The following KCNH8 variants were observed in gnomAD, a reference collection of about 807,000 sequenced individuals.
The protein encoded by KCNH8 is potassium voltage-gated channel subfamily H member 8.
KCNH8 carries 70 observed loss-of-function variants against 103.6 expected under a neutral mutation model. The ratio of observed to expected loss-of-function variants is 0.68; its 90% CI spans 0.56 to 0.82. KCNH8 has a LOEUF of 0.82. Ranked by LOEUF, KCNH8 falls within the 40% of genes least tolerant of loss-of-function variation. The pLI, the probability that KCNH8 is intolerant of heterozygous loss-of-function variation, is 0.00. For synonymous variants in KCNH8, 498 were observed against 489.4 expected (o/e 1.02, Z -0.23); for missense variants, 1,217 against 1,329.9 (o/e 0.92, Z 1.32).
chr3:19,530,088 T>C lies in KCNH8; in HGVS notation c.2620-3307T>C, dbSNP rs368842601. Among the ~76,000 whole-genome samples the C allele has an allele frequency of 7.2e-5, 11 of 152,048 alleles. No individual in the cohort carries two copies. The East Asian group carries it at 1.9e-3, about 27-fold the overall frequency. On this transcript the variant is annotated intron_variant, in intron 15 of 15. Coordinates refer to ENST00000328405, the MANE Select transcript of KCNH8 (RefSeq NM_144633.3). ...GACAAATATTCCACGTCCTCACTCA[T>C]ATGTGGGAGCTAGAAAAATGTATCT... is the stretch of plus-strand genomic sequence containing the variant.
chr3:19,235,538 T>C (rs1234994006), intron 1 of KCNH8, among the ~76,000 whole-genome samples: 1 of 152,208 alleles, frequency 6.6e-6, no homozygotes, highest in East Asian at 1.9e-4. Context: ...GAAATATGGT[T>C]AATATTTTTT....
intron 5 of KCNH8, among the ~76,000 whole-genome samples, chr3:19,355,790 A>T (rs1194609345): frequency 1.3e-5 from 2 of 152,018 alleles, no homozygotes; most frequent in African/African-American, 4.8e-5. Flanking sequence ...GTAAATGATG[A>T]GTTAATGGGT....
Position 19,534,275 on chromosome 3 carries a change from A to G in KCNH8, c.*176A>G, listed in dbSNP as rs778546372. On this transcript the variant is annotated 3_prime_UTR_variant, in exon 16 of 16. Transcript: ENST00000328405. ...CTCCATGCTGTAGCAAACAATTTCT[A>G]GATACTAGAAGCATAATAGAAACAT... 5.2e-5 allele frequency: 31 copies of G among 598,692 alleles called. No homozygotes were observed. The highest frequency in any genetic ancestry group is 8.3e-5 in the Non-Finnish European group (28 of 338,252). The allele number at this position is 598,692 out of a possible 1,614,324, so 37.1% of individuals were successfully genotyped here.
intron 15 of KCNH8, among the ~76,000 whole-genome samples, chr3:19,532,858 C>T (rs1167122143): frequency 1.3e-5 from 2 of 152,188 alleles, no homozygotes; most frequent in African/African-American, 2.4e-5. Flanking sequence ...AAATGCTTAA[C>T]CTACCCATTC....
chr3:19,396,065 T>G (rs1407823783), intron 7 of KCNH8, among the ~76,000 whole-genome samples: 2 of 152,044 alleles, frequency 1.3e-5, no homozygotes, highest in East Asian at 1.9e-4. Context: ...TTTCTCACAG[T>G]CATACCCTTT....
At position 19,285,503 on chromosome 3, in the gene KCNH8, T is replaced by C. The variant is rs542213520; in HGVS notation, c.442+4174T>C. On this transcript the variant is annotated intron_variant, in intron 3 of 15. Transcript: ENST00000328405. Reference sequence around the variant, plus strand: ...TTCACGTAGCACAGGGCATATAGAATATGCTCAATAAAAGATGTGGTCATG... The same window carrying C: ...TTCACGTAGCACAGGGCATATAGAACATGCTCAATAAAAGATGTGGTCATG... Among the ~76,000 whole-genome samples, 105 of 152,304 alleles carry C rather than the reference T, an allele frequency of 6.9e-4. 1 individual carries two copies. In the South Asian group the frequency reaches 0.021, roughly 31 times the overall value.
At chr3:19,213,453 C>CG (rs1354670000) in intron 1 of KCNH8, among the ~76,000 whole-genome samples, 9 of 152,084 alleles carry the variant, frequency 5.9e-5, no homozygotes, top group African/African-American at 2.2e-4. Context: ...TGGGTATTTC[C>CG]CCCCTAGGAT....
chr3:19,240,611 TAA>T (rs1158986432), intron 1 of KCNH8, among the ~76,000 whole-genome samples: 7 of 114,508 alleles, frequency 6.1e-5, no homozygotes, highest in Admixed American at 9.1e-5. Context: ...AAACTCTGTC[TAA>T]AAAAAAAAAA....
chr3:19,254,857 A>G (rs533875766), intron 2 of KCNH8, among the ~76,000 whole-genome samples: 25 of 152,270 alleles, frequency 1.6e-4, no homozygotes, highest in Admixed American at 1.3e-3. Context: ...GCCAAGATAT[A>G]TGAGAAGGAG....
intron 2 of KCNH8, among the ~76,000 whole-genome samples, chr3:19,278,847 T>G (rs2064715325): frequency 6.6e-6 from 1 of 152,160 alleles, no homozygotes; most frequent in African/African-American, 2.4e-5. Context: ...CAAGGGCTGA[T>G]CAGTGAATAT....
chr3:19,272,663 A>G (rs1437214489), intron 2 of KCNH8, among the ~76,000 whole-genome samples: 2 of 152,238 alleles, frequency 1.3e-5, no homozygotes, highest in East Asian at 1.9e-4. Context: ...GGAATAACAC[A>G]CAAATAGTTC....
At chr3:19,251,186 G>A (rs765080889) in intron 1 of KCNH8, among the ~76,000 whole-genome samples, 4 of 152,076 alleles carry the variant, frequency 2.6e-5, no homozygotes, top group Non-Finnish European at 5.9e-5. Flanking sequence ...TTATGACTAT[G>A]CGATCGTTAA....
chr3:19,424,499 A>G (rs1199293408), intron 7 of KCNH8, among the ~76,000 whole-genome samples: 4 of 152,220 alleles, frequency 2.6e-5, no homozygotes, highest in African/African-American at 9.6e-5. Context: ...ACCTGAAACC[A>G]TAAAAATTCT....
At chr3:19,327,869 GTCTTC>G (rs888446755) in intron 3 of KCNH8, among the ~76,000 whole-genome samples, 17 of 152,216 alleles carry the variant, frequency 1.1e-4, no homozygotes, top group Admixed American at 8.5e-4. Flanking sequence ...TTTACCTCAA[GTCTTC>G]TCTTCTACTA....
chr3:19,188,698 T>G (rs2063524875), intron 1 of KCNH8, among the ~76,000 whole-genome samples: 1 of 152,146 alleles, frequency 6.6e-6, no homozygotes. Flanking sequence ...TACATTATTA[T>G]GAATGTTTTA....
At chr3:19,421,261 T>G (rs1472357594) in intron 7 of KCNH8, among the ~76,000 whole-genome samples, 1 of 152,152 alleles carries the variant, frequency 6.6e-6, no homozygotes, top group Non-Finnish European at 1.5e-5. Context: ...AAAAAAATCT[T>G]TGTTTGACCA....
Position 19,533,788 on chromosome 3 carries a change from C to A in KCNH8, c.3013C>A (p.His1005Asn). Reference protein sequence around the residue: ...PSHYQVVQEGHLQFLRCISPH... With the variant: ...PSHYQVVQEGNLQFLRCISPH... ...CCACTACCAGGTTGTCCAAGAAGGT[C>A]ATTTGCAATTTTTAAGGTGCATCTC... Residue 1005 changes from histidine (H) to asparagine (N), a missense_variant, in exon 16 of 16, where the codon CAT (histidine) becomes AAT (asparagine). Physicochemically the swap from His to Asn is moderately conservative, Grantham distance 68 (BLOSUM62 1). This residue lies in a region of KCNH8 where 558 missense variants were observed against 495.8 expected (regional missense o/e 1.13). Transcript: ENST00000328405. 1 of 1,614,192 alleles carries A rather than the reference C, an allele frequency of 6.2e-7. No individual in the cohort carries two copies. The highest frequency in any genetic ancestry group is 1.1e-5 in the South Asian group (1 of 91,088).
At chr3:19,524,952 G>A (rs969684377) in intron 15 of KCNH8, among the ~76,000 whole-genome samples, 3 of 151,898 alleles carry the variant, frequency 2.0e-5, no homozygotes, top group Non-Finnish European at 4.4e-5. Context: ...ACAGAAACAT[G>A]AGTTAGAGAA....
intron 1 of KCNH8, among the ~76,000 whole-genome samples, chr3:19,170,264 A>G (rs1025046343): frequency 2.0e-5 from 3 of 152,186 alleles, no homozygotes; most frequent in Non-Finnish European, 1.5e-5. Flanking sequence ...CTTTCTTAAC[A>G]GTTCCCTAAG....
Sources: gnomAD v4.1 joint callset for allele counts (sites outside exome capture counted in the v4.1 genomes callset) on GRCh38, gnomAD v4.1.1 for gene constraint, gnomAD v4.1.1 regional missense constraint, MANE v1.5 for transcripts, NCBI Gene and HGNC (gene_info 2026-07-23, HGNC 2026-07-21) for gene names.